Variants in ZFHX3 observed in about 807,000 individuals in gnomAD.
The protein encoded by ZFHX3 is zinc finger homeobox protein 3.
In ZFHX3, 42 loss-of-function variants were observed where a neutral mutation model predicts 279.1. The ratio of observed to expected loss-of-function variants is 0.15; its 90% CI spans 0.12 to 0.19. ZFHX3 has a LOEUF of 0.19. Ranked by LOEUF, ZFHX3 falls within the 10% of genes least tolerant of loss-of-function variation. The pLI is 1.00. For synonymous variants in ZFHX3, 2,293 were observed against 1,957.8 expected (o/e 1.17, Z -4.52); for missense variants, 4,981 against 4,754.0 (o/e 1.05, Z -1.40).
In ZFHX3 at chr16:73,131,122, T is replaced by C. The variant is rs867502797; in HGVS notation, c.-1023-28A>G. The stretch of plus-strand genomic sequence containing the variant: ...GTAAAGTGGGAGTAATAATAGGACT[T>C]GTTTTCTAGGGTTGACATGAGAATT... On this transcript the variant is annotated intron_variant, in intron 6 of 17. Transcript: ENST00000641206. 8 of 544,552 alleles carry C rather than the reference T, an allele frequency of 1.5e-5. No homozygotes were observed. The Middle Eastern group carries it at 1.9e-3, about 131-fold the overall frequency. 33.7% of individuals were successfully genotyped at this position (544,552 alleles called of 1,614,324 possible).
intron 5 of ZFHX3, among the ~76,000 whole-genome samples, chr16:73,144,859 G>C (rs1013867173): frequency 3.9e-5 from 6 of 152,136 alleles, no homozygotes; most frequent in Non-Finnish European, 8.8e-5. Context: ...CACATCTCAA[G>C]CTGACATTCC....
At chr16:73,289,973 A>T (rs1055979105) in intron 4 of ZFHX3, among the ~76,000 whole-genome samples, 2 of 151,954 alleles carry the variant, frequency 1.3e-5, no homozygotes, top group African/African-American at 4.8e-5. Context: ...CAATATGAAG[A>T]TTATAATGTG....
intron 2 of ZFHX3, among the ~76,000 whole-genome samples, chr16:73,489,328 T>C (rs2019022451): frequency 6.6e-6 from 1 of 152,214 alleles, no homozygotes; most frequent in South Asian, 2.1e-4. Flanking sequence ...CTCATTAAGA[T>C]ATGATTTAAG....
At chr16:73,065,600 T>C (rs867427571) in intron 8 of ZFHX3, among the ~76,000 whole-genome samples, 2,725 of 146,826 alleles carry the variant, frequency 0.019, 90 homozygotes, top group African/African-American at 0.064. Flanking sequence ...TGTGTGTGTG[T>C]GTGTGTGCGT....
intron 3 of ZFHX3, among the ~76,000 whole-genome samples, chr16:73,339,791 C>G (rs955730020): frequency 6.6e-6 from 1 of 152,110 alleles, no homozygotes; most frequent in African/African-American, 2.4e-5. Flanking sequence ...ACAAATAAAG[C>G]ATTTCTTTGG....
At chr16:73,775,013 C>T (rs1018722487) in intron 1 of ZFHX3, among the ~76,000 whole-genome samples, 1 of 151,714 alleles carries the variant, frequency 6.6e-6, no homozygotes, top group African/African-American at 2.4e-5. Flanking sequence ...TGCTAGCAGC[C>T]ATGGAAATAG....
intron 3 of ZFHX3, among the ~76,000 whole-genome samples, chr16:73,427,017 AATGTCAGCTCAGCCATGATTCATGGCTG>A (rs2143505764): frequency 6.6e-6 from 1 of 152,262 alleles, no homozygotes; most frequent in African/African-American, 2.4e-5. Flanking sequence ...CCATTTTTAA[AATGTCAGCTCAGCCATGATTCATGGCTG>A]ATGCTGGTGA....
At chr16:73,684,344 G>GTA (rs2053056747) in intron 1 of ZFHX3, among the ~76,000 whole-genome samples, 1 of 151,994 alleles carries the variant, frequency 6.6e-6, no homozygotes, top group African/African-American at 2.4e-5. Context: ...GTTTGTGTGT[G>GTA]TGTGTGTGTG....
chr16:73,420,457 C>T (rs1349421459), intron 3 of ZFHX3, among the ~76,000 whole-genome samples: 3 of 152,138 alleles, frequency 2.0e-5, no homozygotes, highest in South Asian at 2.1e-4. Flanking sequence ...GGGAAGGCGG[C>T]GTCGCTGGCA....
At chr16:73,041,212 C>G (rs187233965) in intron 1 of ZFHX3, among the ~76,000 whole-genome samples, 1 of 152,126 alleles carries the variant, frequency 6.6e-6, no homozygotes, top group Non-Finnish European at 1.5e-5. Context: ...TCTGGGAGTC[C>G]GCACCAGGAT....
At chr16:73,001,681 G>A (rs1963504449) in intron 1 of ZFHX3, among the ~76,000 whole-genome samples, 1 of 151,988 alleles carries the variant, frequency 6.6e-6, no homozygotes, top group African/African-American at 2.4e-5. Flanking sequence ...TTAGCCAAGT[G>A]TGGTGGCACA....
At chr16:73,725,371 G>T (rs572010123) in intron 1 of ZFHX3, among the ~76,000 whole-genome samples, 1 of 152,298 alleles carries the variant, frequency 6.6e-6, no homozygotes, top group East Asian at 1.9e-4. Flanking sequence ...GGCCTGGAGG[G>T]CGACAGTTCC....
intron 2 of ZFHX3, among the ~76,000 whole-genome samples, chr16:73,509,134 T>C (rs146969566): frequency 1.1e-3 from 160 of 152,318 alleles, no homozygotes; most frequent in African/African-American, 3.3e-3. Flanking sequence ...TTGATTCTCA[T>C]AGAAGCAAGT....
chr16:73,230,238 T>A (rs1428336057), intron 5 of ZFHX3, among the ~76,000 whole-genome samples: 1 of 152,164 alleles, frequency 6.6e-6, no homozygotes, highest in Non-Finnish European at 1.5e-5. Flanking sequence ...GAATTTGGAA[T>A]GAAATTGCAG....
chr16:73,528,237 G>A (rs1000619303), intron 2 of ZFHX3, among the ~76,000 whole-genome samples: 8 of 152,176 alleles, frequency 5.3e-5, no homozygotes, highest in African/African-American at 1.9e-4. Context: ...TCAGATTTAT[G>A]AGTTTTGTGG....
intron 7 of ZFHX3, among the ~76,000 whole-genome samples, chr16:73,125,882 G>T (rs148261228): frequency 6.6e-6 from 1 of 151,732 alleles, no homozygotes; most frequent in Admixed American, 6.6e-5. Flanking sequence ...CCCTAATACC[G>T]TACCATTATT....
chr16:72,799,934 G>T, intron 8 of ZFHX3, 93 bp downstream of exon 8: 2 of 1,115,178 alleles, frequency 1.8e-6, no homozygotes, highest in Non-Finnish European at 2.7e-6. Context: ...CACCTTAAGA[G>T]TATTGTAAAG....
chr16:73,582,898 G>A (rs2051876875), intron 2 of ZFHX3, among the ~76,000 whole-genome samples: 1 of 149,946 alleles, frequency 6.7e-6, no homozygotes, highest in Non-Finnish European at 1.5e-5. Context: ...AGATTTGGGA[G>A]TCTGTTCCAA....
intron 5 of ZFHX3, among the ~76,000 whole-genome samples, chr16:73,188,643 A>C (rs922972617): frequency 1.3e-5 from 2 of 152,202 alleles, no homozygotes; most frequent in African/African-American, 4.8e-5. Flanking sequence ...CATGTTGTAG[A>C]ATAAAGCCCT....
Sources: allele counts gnomAD v4.1 joint callset (sites outside exome capture counted in the v4.1 genomes callset), GRCh38; gene constraint gnomAD v4.1.1; transcripts MANE v1.5; gene names NCBI Gene and HGNC (gene_info 2026-07-23, HGNC 2026-07-21).